TTPAL: variants seen among roughly 807,000 people sequenced by gnomAD.
The protein encoded by TTPAL is alpha-tocopherol transfer protein-like.
A neutral mutation model predicts 28.7 loss-of-function variants in TTPAL; 21 were observed. The observed-to-expected ratio is 0.73, with a 90% CI of 0.52 to 1.06. The LOEUF (loss-of-function observed/expected upper bound fraction) is 1.06, where lower values mean the gene tolerates loss of function less well. TTPAL is among the 50% of genes least tolerant of loss of function. The pLI is 0.00. For synonymous variants in TTPAL, 169 were observed against 171.9 expected, an observed-to-expected ratio of 0.98 and a Z score of 0.13; for missense variants, 345 against 425.5, an observed-to-expected ratio of 0.81 and a Z score of 1.67.
intron 4 of TTPAL, among the ~76,000 whole-genome samples, 156 bp from the exon 5 acceptor site, chr20:44,489,107 T>G (rs1204803553): frequency 6.6e-6 from 1 of 152,204 alleles, no homozygotes; most frequent in Non-Finnish European, 1.5e-5. Context: ...TTAAGGATAC[T>G]CCAGGCTTTC....
At chr20:44,488,582 G>A (rs978267276) in intron 4 of TTPAL, among the ~76,000 whole-genome samples, 6 of 152,072 alleles carry the variant, frequency 3.9e-5, no homozygotes, top group African/African-American at 1.2e-4. Context: ...AAAGTATAGC[G>A]TGTGTGAGGT....
chr20:44,489,644 T>A lies in TTPAL; in HGVS notation c.*103T>A. Reference sequence around the variant, plus strand: ...TGGATTCAGTCTTGCTCCTTGTAATTAAACTGCAGGATGGAGGAACAGCCT... The same window carrying A: ...TGGATTCAGTCTTGCTCCTTGTAATAAAACTGCAGGATGGAGGAACAGCCT... On this transcript the variant is annotated 3_prime_UTR_variant, in exon 5 of 5. Transcript: ENST00000262605. The A allele has an allele frequency of 7.8e-7, 1 of 1,282,970 alleles. No individual in the cohort carries two copies. The highest frequency in any genetic ancestry group is 1.1e-6 in the Non-Finnish European group (1 of 951,792). The allele number at this position is 1,282,970 out of a possible 1,614,324, so 79.5% of individuals were successfully genotyped here.
chr20:44,492,390 G>A lies in TTPAL; in HGVS notation c.*2849G>A, dbSNP rs962885758. 4 of 152,340 alleles carry A rather than the reference G, an allele frequency of 2.6e-5. No individual in the cohort carries two copies. Among genetic ancestry groups the A allele is most frequent in the African/African-American group, 9.7e-5 (4 of 41,436 alleles). The allele number at this position is 152,340 out of a possible 1,614,324, so 9.4% of individuals were successfully genotyped here. On this transcript the variant is annotated 3_prime_UTR_variant, in exon 5 of 5. Transcript: ENST00000262605. ...AACTTTTCCCTAAATTCAAGATAGTGTGGTGTCGGAAGGAAATGGGACAGT... is the reference window on the plus strand; with the variant it reads ...AACTTTTCCCTAAATTCAAGATAGTATGGTGTCGGAAGGAAATGGGACAGT...
At chr20:44,477,737 C>T (rs2064059020) in intron 1 of TTPAL, among the ~76,000 whole-genome samples, 1 of 152,054 alleles carries the variant, frequency 6.6e-6, no homozygotes. Flanking sequence ...TCACTGCAAC[C>T]TCCGCTTCCT....
intron 3 of TTPAL, 131 bp downstream of exon 3, chr20:44,484,661 A>G: frequency 1.6e-6 from 1 of 636,122 alleles, no homozygotes; most frequent in Non-Finnish European, 2.6e-6. Flanking sequence ...ACACAAAAGC[A>G]TTATGGGAAG....
chr20:44,480,526 G>C lies in TTPAL; in HGVS notation c.445+82G>C, dbSNP rs76424377. 3.4e-4 allele frequency: 474 copies of C among 1,387,524 alleles called. 5 individuals are homozygous for C. The African/African-American group carries it at 6.2e-3, about 18-fold the overall frequency. The allele number at this position is 1,387,524 out of a possible 1,614,324, so 86.0% of individuals were successfully genotyped here. On this transcript the variant is annotated intron_variant, in intron 2 of 4. Transcript: ENST00000262605. This position sits in a 1 kb window ranked among gnomAD's most constrained non-coding sequence, Gnocchi z 4.1. The stretch of plus-strand genomic sequence containing the variant: ...TTCAGCACCCTGTCCTCCTTTCCAA[G>C]TCCCTTTTTTACCCCTCCTTTGTTA...
chr20:44,484,383 C>T lies in TTPAL; in HGVS notation c.492C>T (p.Ala164=), dbSNP rs1326685212. The T allele has an allele frequency of 6.3e-7, 1 of 1,599,398 alleles. No homozygotes were observed. The highest frequency in any genetic ancestry group is 1.3e-5 in the African/African-American group (1 of 74,786). The change falls in exon 3 of 5, where the codon GCC becomes GCT. Residue 164 remains alanine (A), a synonymous_variant. Transcript: ENST00000262605. ...SNYPITENIR[A]IYLTLEKLIQ... ...ATCCAATTACTGAAAACATCCGAGC[C>T]ATATACTTGACCTTAGAAAAACTCA...
intron 3 of TTPAL, among the ~76,000 whole-genome samples, chr20:44,485,363 C>T (rs971171229): frequency 5.9e-5 from 9 of 152,090 alleles, no homozygotes; most frequent in African/African-American, 1.2e-4. Flanking sequence ...AGTCCCTCAG[C>T]GAATCCTCTG....
intron 1 of TTPAL, among the ~76,000 whole-genome samples, chr20:44,476,933 G>A (rs1380818099): frequency 6.6e-6 from 1 of 152,160 alleles, no homozygotes; most frequent in Admixed American, 6.6e-5. Context: ...TTCTAAAAAA[G>A]AAATAGGAAC....
At chr20:44,481,889 C>T (rs1269982632) in intron 2 of TTPAL, among the ~76,000 whole-genome samples, 1 of 152,174 alleles carries the variant, frequency 6.6e-6, no homozygotes, top group Non-Finnish European at 1.5e-5. Context: ...GACTTAGAAA[C>T]CAGTCAGCAG....
chr20:44,478,658 T>C (rs1235221866), intron 1 of TTPAL: 2 of 152,246 alleles, frequency 1.3e-5, no homozygotes, highest in Non-Finnish European at 2.9e-5. Flanking sequence ...GTAAGTTTCT[T>C]ATATCTCTTT....
rs780880112 is a variant in TTPAL at position 44,494,142 on chromosome 20, A to C, written c.*4601A>C. 2.6e-5 allele frequency: 4 copies of C among 152,392 alleles called. No homozygotes were observed. The highest frequency in any genetic ancestry group is 5.9e-5 in the Non-Finnish European group (4 of 68,042). The allele number at this position is 152,392 out of a possible 1,614,324, so 9.4% of individuals were successfully genotyped here. A position where few individuals can be genotyped will look rare whatever the true frequency, so the allele number is the denominator to read the frequency against. On this transcript the variant is annotated 3_prime_UTR_variant, in exon 5 of 5. Coordinates refer to ENST00000262605, the MANE Select transcript of TTPAL (RefSeq NM_001039199.3). ...AACAGGAGCTTGCTTCATGCGAAGG[A>C]TCAATGTGATTTGTGGATGGAGATG...
rs16985352 is a variant in TTPAL, at chr20:44,492,809, G to C, written c.*3268G>C. 0.032 allele frequency: 4,911 copies of C among 152,318 alleles called. 230 individuals are homozygous for C. Among genetic ancestry groups the C allele is most frequent in the Admixed American group, 0.15 (2,224 of 15,276 alleles). The allele number at this position is 152,318 out of a possible 1,614,324, so 9.4% of individuals were successfully genotyped here. ...CAAAAACAGCCAAAAGTGCCACCCT[G>C]GCTTCATGTCTTGAATTTCTAACTT... On this transcript the variant is annotated 3_prime_UTR_variant, in exon 5 of 5. Transcript: ENST00000262605.
chr20:44,488,817 G>T (rs2064176303), intron 4 of TTPAL, among the ~76,000 whole-genome samples: 1 of 152,204 alleles, frequency 6.6e-6, no homozygotes, highest in Non-Finnish European at 1.5e-5. Flanking sequence ...ACTCAGAGAA[G>T]TAATGAGGCT....
At position 44,490,293 on chromosome 20, in the gene TTPAL, TA is replaced by T. The variant is rs1027290377; in HGVS notation, c.*756del. 6.6e-6 allele frequency: 1 copy of T among 152,318 alleles called. No individual in the cohort carries two copies. Among genetic ancestry groups the T allele is most frequent in the Non-Finnish European group, 1.5e-5 (1 of 68,022 alleles). 9.4% of individuals were successfully genotyped at this position (152,318 alleles called of 1,614,324 possible). On this transcript the variant is annotated 3_prime_UTR_variant, in exon 5 of 5. Coordinates refer to ENST00000262605, the MANE Select transcript of TTPAL (RefSeq NM_001039199.3). ...TAGCAGGAAATGATTTTACTCAACC[TA>T]AAATGCTGGATCCCAGGCCCGTGTA...
At position 44,480,500 on chromosome 20, in the gene TTPAL, A is replaced by T; in HGVS notation, c.445+56A>T. 1 of 1,480,148 alleles carries T rather than the reference A, an allele frequency of 6.8e-7. No individual in the cohort carries two copies. The highest frequency in any genetic ancestry group is 9.1e-7 in the Non-Finnish European group (1 of 1,102,974). 91.7% of individuals were successfully genotyped at this position (1,480,148 alleles called of 1,614,324 possible). ...TGTCCAGTCCTTCTGCAGTGTGTCC[A>T]TTCAGCACCCTGTCCTCCTTTCCAA... is the stretch of plus-strand genomic sequence containing the variant. On this transcript the variant is annotated intron_variant, in intron 2 of 4. Transcript: ENST00000262605. This position sits in a 1 kb window ranked among gnomAD's most constrained non-coding sequence, Gnocchi z 4.1.
At chr20:44,477,932 G>A (rs1004818796) in intron 1 of TTPAL, among the ~76,000 whole-genome samples, 2 of 152,142 alleles carry the variant, frequency 1.3e-5, no homozygotes, top group African/African-American at 2.4e-5. Context: ...TGGGATTACA[G>A]GCATAAGCCA....
chr20:44,493,342 A>C lies in TTPAL; in HGVS notation c.*3801A>C, dbSNP rs1350460761. ...CCATTTTTCCCGAAATAAGACAATA[A>C]GAGGCTTTTCTCTGAATTCCTTTAT... is the stretch of plus-strand genomic sequence containing the variant. On this transcript the variant is annotated 3_prime_UTR_variant, in exon 5 of 5. Transcript: ENST00000262605. 6.6e-6 allele frequency: 1 copy of C among 152,340 alleles called. No individual in the cohort carries two copies. The highest frequency in any genetic ancestry group is 1.9e-4 in the East Asian group (1 of 5,338). The allele number at this position is 152,340 out of a possible 1,614,324, so 9.4% of individuals were successfully genotyped here. A position where few individuals can be genotyped will look rare whatever the true frequency, so the allele number is the denominator to read the frequency against.
At position 44,492,445 on chromosome 20, in the gene TTPAL, C is replaced by G. The variant is rs1253201547; in HGVS notation, c.*2904C>G. 6.6e-6 allele frequency: 1 copy of G among 152,252 alleles called. No homozygotes were observed. The allele number at this position is 152,252 out of a possible 1,614,324, so 9.4% of individuals were successfully genotyped here. A position where few individuals can be genotyped will look rare whatever the true frequency, so the allele number is the denominator to read the frequency against. Reference sequence around the variant, plus strand: ...TAGGAGACGCGGGCTCCACCTTTACCTTACTACGTGGCCTTTGATGAGCTG... The same window carrying G: ...TAGGAGACGCGGGCTCCACCTTTACGTTACTACGTGGCCTTTGATGAGCTG... On this transcript the variant is annotated 3_prime_UTR_variant, in exon 5 of 5. Transcript: ENST00000262605.
Sources: gnomAD v4.1 joint callset for allele counts (sites outside exome capture counted in the v4.1 genomes callset) on GRCh38, gnomAD v4.1.1 for gene constraint, Gnocchi (gnomAD v3.1) non-coding constraint, MANE v1.5 for transcripts, NCBI Gene and HGNC (gene_info 2026-07-23, HGNC 2026-07-21) for gene names.